Variants in SIM1 observed in about 807,000 individuals in gnomAD.
The protein encoded by SIM1 is SIM bHLH transcription factor 1.
In SIM1, 18 loss-of-function variants were observed where a neutral mutation model predicts 78.2. The ratio of observed to expected loss-of-function variants is 0.23; its 90% CI spans 0.16 to 0.34. The LOEUF is 0.34. SIM1 is among the 10% of genes least tolerant of loss of function. The pLI is 1.00. For missense variants in SIM1, 939 were observed against 975.1 expected, an observed-to-expected ratio of 0.96 and a Z score of 0.49; for synonymous variants, 417 against 385.2, an observed-to-expected ratio of 1.08 and a Z score of -0.97.
At chr6:100,450,694 TCTCACACA>T (rs1209442244) in intron 3 of SIM1, among the ~76,000 whole-genome samples, 1,913 of 93,210 alleles carry the variant, frequency 0.021, 17 homozygotes, top group Middle Eastern at 0.041. Flanking sequence ...TCTCTCTCTC[TCTCACACA>T]CACACACACA....
intron 2 of SIM1, among the ~76,000 whole-genome samples, chr6:100,458,017 TCTCTCTCTCTCTCTCTCTCTCTCTCTC>T (rs1772723369): frequency 3.4e-4 from 7 of 20,486 alleles, no homozygotes; most frequent in African/African-American, 1.0e-3. Flanking sequence ...TCTCTCTCTC[TCTCTCTCTCTCTCTCTCTCTCTCTCTC>T]TCTCTCTCTC....
At chr6:100,410,805 G>T (rs1053865839) in intron 10 of SIM1, among the ~76,000 whole-genome samples, 1 of 152,138 alleles carries the variant, frequency 6.6e-6, no homozygotes, top group African/African-American at 2.4e-5. Context: ...GAGACCAAAA[G>T]AACAATAAAG....
chr6:100,448,336 C>G, intron 7 of SIM1, 84 bp from the exon 8 acceptor site: 1 of 1,355,358 alleles, frequency 7.4e-7, no homozygotes, highest in Non-Finnish European at 1.0e-6. Flanking sequence ...CCGTCTGACA[C>G]CTAGCTGTCC....
Position 100,433,960 on chromosome 6 carries a change from T to C in SIM1, c.999-13002A>G, listed in dbSNP as rs1771973720. 2.0e-5 allele frequency among the ~76,000 whole-genome samples: 3 copies of C among 152,112 alleles called. No individual in the cohort carries two copies. In the South Asian group the frequency reaches 6.2e-4, roughly 32 times the overall value. On this transcript the variant is annotated intron_variant, in intron 9 of 11. Transcript: ENST00000369208. ...AGAGATGACTACACTCTAAAACATT[T>C]CTTACCGTTACCTTAATTACAACAA...
intron 10 of SIM1, among the ~76,000 whole-genome samples, chr6:100,395,887 C>G (rs1003794020): frequency 1.3e-5 from 2 of 152,176 alleles, no homozygotes; most frequent in African/African-American, 4.8e-5. Context: ...TGTGCAAATT[C>G]CAGGTCAAAA....
At chr6:100,453,102 A>T (rs1340388645) in intron 3 of SIM1, among the ~76,000 whole-genome samples, 1 of 152,230 alleles carries the variant, frequency 6.6e-6, no homozygotes, top group Non-Finnish European at 1.5e-5. Flanking sequence ...TTGTTCTGTG[A>T]CTTAAGTAGG....
chr6:100,412,403 G>C (rs1771212635), intron 10 of SIM1, among the ~76,000 whole-genome samples: 1 of 151,570 alleles, frequency 6.6e-6, no homozygotes, highest in South Asian at 2.1e-4. Flanking sequence ...CAGCCGTGGT[G>C]GTGGGCGCCT....
intron 11 of SIM1, 135 bp from the exon 12 acceptor site, chr6:100,391,226 A>G: frequency 2.1e-6 from 2 of 939,712 alleles, no homozygotes; most frequent in Non-Finnish European, 3.0e-6. Context: ...ACAGGCTCAC[A>G]TGATGTGAGC....
At chr6:100,431,819 G>T (rs1323495394) in intron 9 of SIM1, among the ~76,000 whole-genome samples, 2 of 152,166 alleles carry the variant, frequency 1.3e-5, no homozygotes, top group Non-Finnish European at 2.9e-5. Flanking sequence ...CTTAAAATGC[G>T]TTTATTCATA....
At chr6:100,453,386 C>T (rs1772563017) in intron 3 of SIM1, among the ~76,000 whole-genome samples, 1 of 152,108 alleles carries the variant, frequency 6.6e-6, no homozygotes, top group African/African-American at 2.4e-5. Flanking sequence ...TTTGGAAATC[C>T]TTCATTTGGG....
chr6:100,457,090 T>C (rs190316962), intron 2 of SIM1, among the ~76,000 whole-genome samples: 335 of 152,270 alleles, frequency 2.2e-3, no homozygotes, highest in Admixed American at 3.1e-3. Context: ...AAAAATAAAT[T>C]GATAGAGCTT....
At chr6:100,424,763 G>GAAAT in intron 9 of SIM1, among the ~76,000 whole-genome samples, 1 of 152,182 alleles carries the variant, frequency 6.6e-6, no homozygotes, top group East Asian at 1.9e-4. Flanking sequence ...AAGTTTAGAT[G>GAAAT]AAATATTCTG....
intron 2 of SIM1, among the ~76,000 whole-genome samples, chr6:100,459,956 T>A (rs1404176638): frequency 2.6e-5 from 4 of 152,204 alleles, no homozygotes; most frequent in African/African-American, 9.6e-5. Context: ...TACCAAAGAT[T>A]TATACATTTC....
At chr6:100,445,529 A>C (rs1411577579) in intron 9 of SIM1, among the ~76,000 whole-genome samples, 1 of 152,236 alleles carries the variant, frequency 6.6e-6, no homozygotes, top group African/African-American at 2.4e-5. Flanking sequence ...GTCAGGAATG[A>C]CAGAATCAAC....
At chr6:100,432,546 G>A (rs1418521596) in intron 9 of SIM1, among the ~76,000 whole-genome samples, 2 of 151,928 alleles carry the variant, frequency 1.3e-5, no homozygotes, top group Admixed American at 6.6e-5. Flanking sequence ...CTTTCCCCAA[G>A]GCGTACCTCA....
Position 100,393,487 on chromosome 6 carries a change from C to A in SIM1, c.1570G>T (p.Gly524Trp). The A allele has an allele frequency of 6.6e-7, 1 of 1,523,182 alleles. No homozygotes were observed. Among genetic ancestry groups the A allele is most frequent in the South Asian group, 1.3e-5 (1 of 77,312 alleles). 94.4% of individuals were successfully genotyped at this position (1,523,182 alleles called of 1,614,324 possible). A position where few individuals can be genotyped will look rare whatever the true frequency, so the allele number is the denominator to read the frequency against. The change falls in exon 11 of 12, where the codon GGG becomes TGG. Residue 524 changes from glycine to tryptophan, a missense_variant and splice_region_variant. Gly to Trp is a radical substitution (Grantham distance 184). Transcript: ENST00000369208. ...PHIASVHRIH[G>W]RGHWDEDSVV... is the part of the protein sequence containing the mutation. ...CGGGAACCCTTTCACCTGCTCTTACCATGGATCCTGTGGACTGAAGCGATG... is the reference window on the plus strand; with the variant it reads ...CGGGAACCCTTTCACCTGCTCTTACAATGGATCCTGTGGACTGAAGCGATG...
chr6:100,428,149 C>A (rs1319549280), intron 9 of SIM1, among the ~76,000 whole-genome samples: 1 of 152,048 alleles, frequency 6.6e-6, no homozygotes. Context: ...TTAAAAAAAG[C>A]AAATCATGTT....
chr6:100,433,742 A>ACC (rs1398128070), intron 9 of SIM1, among the ~76,000 whole-genome samples: 2,139 of 31,022 alleles, frequency 0.069, 17 homozygotes, highest in East Asian at 0.2. Context: ...CCCCCCACCC[A>ACC]CACACACACA....
chr6:100,454,677 C>A (rs1421631825), intron 2 of SIM1, among the ~76,000 whole-genome samples: 1 of 152,176 alleles, frequency 6.6e-6, no homozygotes, highest in African/African-American at 2.4e-5. Context: ...CTCTTTCTCT[C>A]CTTGGTGTTT....
Sources: allele counts gnomAD v4.1 joint callset (sites outside exome capture counted in the v4.1 genomes callset), GRCh38; gene constraint gnomAD v4.1.1; transcripts MANE v1.5; gene names NCBI Gene and HGNC (gene_info 2026-07-23, HGNC 2026-07-21).